The following TWSG1 variants were observed in gnomAD, a reference collection of about 807,000 sequenced individuals.
The protein encoded by TWSG1 is twisted gastrulation BMP signaling modulator 1, also known as twisted gastrulation protein homolog 1.
In TWSG1, 15 loss-of-function variants were observed where a neutral mutation model predicts 23.0. The observed-to-expected ratio is 0.65, with a 90% confidence interval of 0.44 to 1.00. The LOEUF (loss-of-function observed/expected upper bound fraction) is 1.00, where lower values mean the gene tolerates loss of function less well. Ranked by LOEUF, TWSG1 falls within the 50% of genes least tolerant of loss-of-function variation. The probability of loss-of-function intolerance (pLI) is 0.00; values close to 1 mark genes in which losing one functional copy is unlikely to be tolerated. For synonymous variants in TWSG1, 86 were observed against 92.8 expected (o/e 0.93, Z 0.42); for missense variants, 242 against 278.7 (o/e 0.87, Z 0.94).
chr18:9,397,034 G>A (rs2040740545), intron 4 of TWSG1: 1 of 155,108 alleles, frequency 6.4e-6, no homozygotes, highest in African/African-American at 2.5e-5. Context: ...CTCCAGCCTG[G>A]GTGGCAGAGC....
intron 3 of TWSG1, among the ~76,000 whole-genome samples, chr18:9,384,731 C>T (rs543893210): frequency 4.9e-4 from 75 of 151,868 alleles, no homozygotes; most frequent in Non-Finnish European, 8.5e-4. Context: ...CTGCAACCTC[C>T]GTCTCCTGGG....
intron 2 of TWSG1, among the ~76,000 whole-genome samples, chr18:9,352,030 A>G (rs1162583245): frequency 6.6e-6 from 1 of 152,052 alleles, no homozygotes; most frequent in Non-Finnish European, 1.5e-5. Context: ...GATAGAGAAT[A>G]TTTTTCATCA....
intron 3 of TWSG1, among the ~76,000 whole-genome samples, chr18:9,396,066 G>A (rs1291078880): frequency 3.6e-5 from 5 of 139,736 alleles, no homozygotes; most frequent in African/African-American, 1.3e-4. Context: ...TTCCTATTAT[G>A]TATTTAAAAA....
At chr18:9,383,301 C>G (rs1312825228) in intron 3 of TWSG1, among the ~76,000 whole-genome samples, 1 of 148,598 alleles carries the variant, frequency 6.7e-6, no homozygotes, top group Non-Finnish European at 1.5e-5. Context: ...TCAAACGATT[C>G]TCCTGCCTCA....
intron 3 of TWSG1, among the ~76,000 whole-genome samples, chr18:9,395,288 C>T (rs538774560): frequency 6.6e-6 from 1 of 152,238 alleles, no homozygotes; most frequent in East Asian, 1.9e-4. Flanking sequence ...CCAGACTTCT[C>T]CACATTAAAG....
chr18:9,334,908 A>G lies in TWSG1; in HGVS notation c.-50A>G, dbSNP rs2040413846. On this transcript the variant is annotated 5_prime_UTR_variant, in exon 1 of 5. Coordinates refer to ENST00000262120, the MANE Select transcript of TWSG1 (RefSeq NM_020648.6). This position sits in a 1 kb window ranked among gnomAD's most constrained non-coding sequence, Gnocchi z 4.7. ...ATCTAGGGGTGGGCGACTTCGCGGG[A>G]CCGTGGCGCATGGTGAGTGGGAGCG... 1 of 151,148 alleles carries G rather than the reference A, an allele frequency of 6.6e-6. No homozygotes were observed. Among genetic ancestry groups the G allele is most frequent in the Non-Finnish European group, 1.5e-5 (1 of 68,158 alleles). 9.4% of individuals were successfully genotyped at this position (151,148 alleles called of 1,614,324 possible). A position where few individuals can be genotyped will look rare whatever the true frequency, so the allele number is the denominator to read the frequency against.
chr18:9,351,289 G>A (rs965404547), intron 2 of TWSG1, among the ~76,000 whole-genome samples: 3 of 151,864 alleles, frequency 2.0e-5, no homozygotes, highest in Admixed American at 6.6e-5. Context: ...AGAGTAAAAC[G>A]TTCTTAGTCC....
chr18:9,349,853 G>A (rs1318511341), intron 2 of TWSG1, among the ~76,000 whole-genome samples: 2 of 152,066 alleles, frequency 1.3e-5, no homozygotes, highest in Admixed American at 6.6e-5. Context: ...AAAAGTTGTG[G>A]TGCCATGGCT....
intron 3 of TWSG1, among the ~76,000 whole-genome samples, chr18:9,394,769 T>A (rs1194460660): frequency 6.6e-6 from 1 of 152,132 alleles, no homozygotes; most frequent in Non-Finnish European, 1.5e-5. Flanking sequence ...CACACATGCA[T>A]GCATGCACAC....
chr18:9,343,032 A>G (rs1212154794), intron 2 of TWSG1, among the ~76,000 whole-genome samples: 1 of 152,098 alleles, frequency 6.6e-6, no homozygotes, highest in East Asian at 1.9e-4. Flanking sequence ...TATTCTCTAT[A>G]GGTAACTTTG....
intron 4 of TWSG1, 141 bp downstream of exon 4, chr18:9,396,687 A>G: frequency 9.6e-7 from 1 of 1,045,706 alleles, no homozygotes; most frequent in Non-Finnish European, 1.4e-6. Context: ...TCTAGACTCA[A>G]TAACCCTGAT....
intron 2 of TWSG1, among the ~76,000 whole-genome samples, chr18:9,356,971 TAA>T (rs34315660): frequency 5.1e-4 from 62 of 122,310 alleles, no homozygotes; most frequent in East Asian, 2.0e-3. Flanking sequence ...TTTATAAATC[TAA>T]AAAAAAAAAA....
Position 9,384,406 on chromosome 18 carries a change from T to C in TWSG1, c.224-11874T>C, listed in dbSNP as rs191000370. ...AGAAATGGATCAATGGATGAGTAGA[T>C]TGATATGCAGGTAATGGTTGATCAC... On this transcript the variant is annotated intron_variant, in intron 3 of 4. Transcript: ENST00000262120. 1.2e-3 allele frequency among the ~76,000 whole-genome samples: 183 copies of C among 152,288 alleles called. 1 individual carries two copies. Among genetic ancestry groups the C allele is most frequent in the Admixed American group, 1.8e-3 (27 of 15,294 alleles).
chr18:9,335,299 G>C (rs928435037), intron 1 of TWSG1, among the ~76,000 whole-genome samples: 1 of 152,266 alleles, frequency 6.6e-6, no homozygotes, highest in Non-Finnish European at 1.5e-5. Context: ...CAGAGGCTCG[G>C]CTCTGCCCTG....
intron 2 of TWSG1, among the ~76,000 whole-genome samples, chr18:9,341,970 CTTGCATTTAT>C (rs1598819684): frequency 6.6e-6 from 1 of 152,060 alleles, no homozygotes; most frequent in African/African-American, 2.4e-5. Flanking sequence ...AGTTTTTTCC[CTTGCATTTAT>C]GAGTACTGCC....
intron 3 of TWSG1, among the ~76,000 whole-genome samples, chr18:9,365,102 C>G (rs375025106): frequency 1.2e-4 from 18 of 152,280 alleles, no homozygotes; most frequent in South Asian, 4.1e-4. Flanking sequence ...AGGAGGATCA[C>G]TTGAGCCCAG....
intron 3 of TWSG1, among the ~76,000 whole-genome samples, chr18:9,383,506 T>C (rs2040668887): frequency 6.6e-6 from 1 of 152,200 alleles, no homozygotes; most frequent in Admixed American, 6.5e-5. Flanking sequence ...ATTACACTTT[T>C]AAATGATCAT....
intron 3 of TWSG1, among the ~76,000 whole-genome samples, chr18:9,373,533 C>G (rs958058694): frequency 2.0e-5 from 3 of 152,086 alleles, no homozygotes; most frequent in African/African-American, 7.2e-5. Context: ...GAGACTCTGT[C>G]TCAAAATGAA....
At chr18:9,368,799 T>C (rs2040591435) in intron 3 of TWSG1, among the ~76,000 whole-genome samples, 1 of 152,030 alleles carries the variant, frequency 6.6e-6, no homozygotes, top group East Asian at 1.9e-4. Flanking sequence ...AATACAAAAA[T>C]TAGCTGGGCA....
Sources: gnomAD v4.1 joint callset for allele counts (sites outside exome capture counted in the v4.1 genomes callset) on GRCh38, gnomAD v4.1.1 for gene constraint, Gnocchi (gnomAD v3.1) non-coding constraint, MANE v1.5 for transcripts, NCBI Gene and HGNC (gene_info 2026-07-23, HGNC 2026-07-21) for gene names.